RFX4: variants seen among roughly 807,000 people sequenced by gnomAD.
RFX4 encodes regulatory factor X4, also known as transcription factor RFX4.
In RFX4, 10 loss-of-function variants were observed where a neutral mutation model predicts 95.0. The ratio of observed to expected loss-of-function variants is 0.11; its 90% confidence interval spans 0.06 to 0.18. The LOEUF is 0.18. Ranked by LOEUF, RFX4 falls within the 10% of genes least tolerant of loss-of-function variation. The probability of loss-of-function intolerance (pLI) is 1.00; values close to 1 mark genes in which losing one functional copy is unlikely to be tolerated. For missense variants in RFX4, 640 were observed against 922.0 expected (o/e 0.69, Z 3.96); for synonymous variants, 321 against 340.7 (o/e 0.94, Z 0.64).
At chr12:106,595,847 T>C (rs4964181) in intron 1 of RFX4, among the ~76,000 whole-genome samples, 109,300 of 152,100 alleles carry the variant, frequency 0.72, 39,629 homozygotes, top group East Asian at 0.96. Flanking sequence ...GGGCTGGATA[T>C]ATGAACTCAG....
intron 2 of RFX4, among the ~76,000 whole-genome samples, chr12:106,621,188 C>T (rs1386208000): frequency 6.6e-6 from 1 of 152,196 alleles, no homozygotes; most frequent in Non-Finnish European, 1.5e-5. Flanking sequence ...AAAGTAAAGA[C>T]AGGCATAAGA....
intron 8 of RFX4, among the ~76,000 whole-genome samples, chr12:106,701,858 C>T (rs760983005): frequency 6.6e-6 from 1 of 150,944 alleles, no homozygotes; most frequent in Non-Finnish European, 1.5e-5. Flanking sequence ...CCTGTCTCTA[C>T]AAAAAAAAAT....
intron 2 of RFX4, among the ~76,000 whole-genome samples, chr12:106,616,875 C>T: frequency 6.6e-6 from 1 of 152,062 alleles, no homozygotes; most frequent in Non-Finnish European, 1.5e-5. Context: ...ATTCTCCTGC[C>T]TCAGCCTCCT....
chr12:106,650,052 G>C (rs2040828901), intron 3 of RFX4, among the ~76,000 whole-genome samples: 1 of 152,114 alleles, frequency 6.6e-6, no homozygotes, highest in African/African-American at 2.4e-5. Context: ...TATGTGCCAG[G>C]CTTTGATCGT....
At chr12:106,728,172 A>G (rs1016754753) in intron 13 of RFX4, among the ~76,000 whole-genome samples, 1 of 152,006 alleles carries the variant, frequency 6.6e-6, no homozygotes, top group Non-Finnish European at 1.5e-5. Context: ...CTATATTACC[A>G]TATAACAATA....
rs546245617 is a variant in RFX4, at chr12:106,720,707, A to G, written c.1234-52A>G. 1.4e-5 allele frequency: 21 copies of G among 1,541,136 alleles called. No individual in the cohort carries two copies. In the Admixed American group the frequency reaches 3.5e-4, roughly 26 times the overall value. The stretch of plus-strand genomic sequence containing the variant: ...CGGCCTCATTTTTCAAAGAGACAGT[A>G]ATAAATGAAAGGTCAAGTCGACCAC... On this transcript the variant is annotated intron_variant, in intron 12 of 17. Coordinates refer to ENST00000392842, the MANE Select transcript of RFX4 (RefSeq NM_213594.3). This position sits in a 1 kb window ranked among gnomAD's most constrained non-coding sequence, Gnocchi z 4.2.
At chr12:106,607,252 T>C (rs557648109) in intron 1 of RFX4, among the ~76,000 whole-genome samples, 1 of 152,088 alleles carries the variant, frequency 6.6e-6, no homozygotes, top group South Asian at 2.1e-4. Context: ...ACTGGAAAAA[T>C]AAGCTTAGGG....
At chr12:106,748,567 C>G (rs1593012629) in intron 16 of RFX4, among the ~76,000 whole-genome samples, 1 of 152,338 alleles carries the variant, frequency 6.6e-6, no homozygotes, top group East Asian at 1.9e-4. Context: ...ATCCTCATAG[C>G]TCTTTGCCAT....
At chr12:106,595,968 A>G (rs919485237) in intron 1 of RFX4, among the ~76,000 whole-genome samples, 3 of 152,206 alleles carry the variant, frequency 2.0e-5, no homozygotes, top group African/African-American at 4.8e-5. Flanking sequence ...ATGTAAAGGA[A>G]CCAGCACAGG....
chr12:106,700,926 A>C lies in RFX4; in HGVS notation c.833+4480A>C. Among the ~76,000 whole-genome samples the C allele has an allele frequency of 2.0e-5, 3 of 152,314 alleles. No individual in the cohort carries two copies. The South Asian group carries it at 6.2e-4, about 32-fold the overall frequency. The stretch of plus-strand genomic sequence containing the variant: ...TGAGAATGATTAAAGATATGAAAAA[A>C]TATTTTATATCTGCTTTCATTCACA... On this transcript the variant is annotated intron_variant, in intron 8 of 17. Transcript: ENST00000392842.
At chr12:106,639,444 T>C in intron 3 of RFX4, 52 bp downstream of exon 3, 2 of 1,498,916 alleles carry the variant, frequency 1.3e-6, no homozygotes, top group Non-Finnish European at 1.9e-6. Context: ...TCATATCTTC[T>C]TGTCTATAGG....
At chr12:106,671,479 C>T (rs879767670) in intron 4 of RFX4, among the ~76,000 whole-genome samples, 60 of 151,742 alleles carry the variant, frequency 4.0e-4, no homozygotes, top group Non-Finnish European at 7.5e-4. Flanking sequence ...CTGGCTCTGG[C>T]ATGTGTGGGC....
chr12:106,657,695 CTA>C (rs982992726), intron 4 of RFX4, among the ~76,000 whole-genome samples: 1 of 152,092 alleles, frequency 6.6e-6, no homozygotes, highest in African/African-American at 2.4e-5. Flanking sequence ...CCTCACAAAA[CTA>C]GGGATAAAAT....
chr12:106,585,786 G>A (rs1353975038), intron 1 of RFX4: 1 of 152,206 alleles, frequency 6.6e-6, no homozygotes, highest in Non-Finnish European at 1.5e-5. Flanking sequence ...CTGGGGCGAA[G>A]TAGGAAACGT....
At chr12:106,623,385 A>C (rs2040224504) in intron 2 of RFX4, among the ~76,000 whole-genome samples, 1 of 152,052 alleles carries the variant, frequency 6.6e-6, no homozygotes, top group Admixed American at 6.5e-5. Flanking sequence ...ATGAACCCTC[A>C]CGTTTCAAAG....
At chr12:106,754,050 T>C (rs1426794952) in intron 17 of RFX4, among the ~76,000 whole-genome samples, 1 of 152,180 alleles carries the variant, frequency 6.6e-6, no homozygotes, top group African/African-American at 2.4e-5. Context: ...CAAAGACTTG[T>C]CTCTGAGGGA....
At chr12:106,610,043 G>C (rs1021797096) in intron 2 of RFX4, among the ~76,000 whole-genome samples, 1 of 152,010 alleles carries the variant, frequency 6.6e-6, no homozygotes, top group African/African-American at 2.4e-5. Context: ...TTCACTGTAT[G>C]AGTATATCAC....
At chr12:106,748,299 G>A (rs1034633255) in intron 16 of RFX4, among the ~76,000 whole-genome samples, 2 of 152,012 alleles carry the variant, frequency 1.3e-5, no homozygotes, top group Non-Finnish European at 1.5e-5. Context: ...TGTACACTTC[G>A]CAGAATTACA....
intron 2 of RFX4, among the ~76,000 whole-genome samples, chr12:106,613,366 AT>A (rs543428046): frequency 0.26 from 36,173 of 141,160 alleles, 4,354 homozygotes; most frequent in South Asian, 0.29. Context: ...TTTTGCATCA[AT>A]TTTTTTTTTT....
Sources: gnomAD v4.1 joint callset for allele counts (sites outside exome capture counted in the v4.1 genomes callset) on GRCh38, gnomAD v4.1.1 for gene constraint, Gnocchi (gnomAD v3.1) non-coding constraint, MANE v1.5 for transcripts, NCBI Gene and HGNC (gene_info 2026-07-23, HGNC 2026-07-21) for gene names.